MAP4K5: variants seen among roughly 807,000 people sequenced by gnomAD.
MAP4K5 encodes MAPK/ERK kinase kinase kinase 5.
Under a neutral mutation model 135.6 loss-of-function variants are expected in MAP4K5, and 82 were observed. That is an observed-to-expected ratio of 0.60 (90% CI 0.51 to 0.73). The LOEUF is 0.73. Among genes scored for constraint, MAP4K5 ranks in the 30% least tolerant of loss-of-function variants. The pLI is 0.00. For missense variants in MAP4K5, 907 were observed against 1,010.9 expected (o/e 0.90, Z 1.39); for synonymous variants, 347 against 335.0 (o/e 1.04, Z -0.39).
intron 2 of MAP4K5, among the ~76,000 whole-genome samples, chr14:50,531,704 C>T (rs2140128013): frequency 6.6e-6 from 1 of 152,278 alleles, no homozygotes; most frequent in South Asian, 2.1e-4. Context: ...AGCCTTTAAA[C>T]CACAAAAAAA....
chr14:50,545,851 T>A (rs1383913252), intron 1 of MAP4K5, among the ~76,000 whole-genome samples: 1 of 152,200 alleles, frequency 6.6e-6, no homozygotes, highest in African/African-American at 2.4e-5. Context: ...TTATGACTCA[T>A]CCTTGTGCAC....
intron 2 of MAP4K5, among the ~76,000 whole-genome samples, chr14:50,512,334 A>C (rs190035703): frequency 6.6e-6 from 1 of 152,270 alleles, no homozygotes; most frequent in East Asian, 1.9e-4. Flanking sequence ...AGAGCCAAAA[A>C]GAAAAGGAAG....
At chr14:50,428,215 C>T (rs1238092478) in intron 30 of MAP4K5, among the ~76,000 whole-genome samples, 1 of 151,766 alleles carries the variant, frequency 6.6e-6, no homozygotes, top group Non-Finnish European at 1.5e-5. Flanking sequence ...TGCTTAACAG[C>T]CATATATGTT....
chr14:50,435,102 C>T (rs748291502), intron 26 of MAP4K5, 37 bp from the exon 27 acceptor site: 4 of 1,036,490 alleles, frequency 3.9e-6, no homozygotes, highest in South Asian at 1.4e-5. Context: ...CCCAGACACA[C>T]TCAAAATACT....
At chr14:50,523,781 T>C (rs992741833) in intron 2 of MAP4K5, among the ~76,000 whole-genome samples, 3 of 152,366 alleles carry the variant, frequency 2.0e-5, no homozygotes, top group African/African-American at 7.2e-5. Flanking sequence ...GTTCACTAGA[T>C]GTATCACAAG....
chr14:50,431,932 G>T (rs372942007), intron 28 of MAP4K5, among the ~76,000 whole-genome samples: 2 of 152,156 alleles, frequency 1.3e-5, no homozygotes, highest in East Asian at 1.9e-4. Context: ...CTTGAAAACT[G>T]CACATTCAAA....
chr14:50,517,441 C>T (rs903901122), intron 2 of MAP4K5, among the ~76,000 whole-genome samples: 7 of 151,696 alleles, frequency 4.6e-5, no homozygotes, highest in African/African-American at 1.7e-4. Flanking sequence ...AATGAGCCAC[C>T]GCGCCCAGCC....
upstream of MAP4K5, among the ~76,000 whole-genome samples, chr14:50,534,732 T>C (rs2038471687): frequency 6.6e-6 from 1 of 152,244 alleles, no homozygotes; most frequent in Non-Finnish European, 1.5e-5. Context: ...TTATTTTACT[T>C]GTACTGCAAT....
At chr14:50,494,069 A>C (rs1194708011) in intron 3 of MAP4K5, among the ~76,000 whole-genome samples, 1 of 152,066 alleles carries the variant, frequency 6.6e-6, no homozygotes, top group African/African-American at 2.4e-5. Context: ...GTGCACTAAA[A>C]ACTATAAAAC....
At position 50,486,322 on chromosome 14, in the gene MAP4K5, A is replaced by G. The variant is rs1168618840; in HGVS notation, c.167-128T>C. The G allele has an allele frequency of 3.5e-5, 17 of 487,388 alleles. 1 individual carries two copies. The highest frequency in any genetic ancestry group is 3.1e-4 in the South Asian group (10 of 32,494). 30.2% of individuals were successfully genotyped at this position (487,388 alleles called of 1,614,324 possible). On this transcript the variant is annotated intron_variant, in intron 3 of 32. Coordinates refer to ENST00000682126, the MANE Select transcript of MAP4K5 (RefSeq NM_006575.6). ...ATTCTTAATACTTCAATGAAAATGT[A>G]AACTGGTAGAATCTTTCTATAAAGT...
intron 28 of MAP4K5, among the ~76,000 whole-genome samples, chr14:50,432,569 A>C (rs9707442): frequency 0.82 from 122,556 of 149,268 alleles, 52,850 homozygotes; most frequent in East Asian, 0.93. Context: ...AAAAAAAAAA[A>C]AAAAAAACAA....
At position 50,486,194 on chromosome 14, in the gene MAP4K5, C is replaced by T. The variant is rs776632156; in HGVS notation, c.167G>A (p.Gly56Glu). 2 of 1,068,880 alleles carry T rather than the reference C, an allele frequency of 1.9e-6. No homozygotes were observed. The highest frequency in any genetic ancestry group is 2.7e-6 in the Non-Finnish European group (2 of 733,306). The allele number at this position is 1,068,880 out of a possible 1,614,324, so 66.2% of individuals were successfully genotyped here. ...TTGTTGAATCAAAGAAAAATCATCTCCTGGAAAACAAAATAAGTTGTTTAT... is the reference window on the plus strand; with the variant it reads ...TTGTTGAATCAAAGAAAAATCATCTTCTGGAAAACAAAATAAGTTGTTTAT... ...AAVKIIKLEP[G>E]DDFSLIQQEI... Residue 56 changes from glycine to glutamate, a missense_variant and splice_region_variant, in exon 4 of 33, where the codon GGA becomes GAA. Physicochemically the swap from Gly to Glu is moderately conservative, Grantham distance 98 (BLOSUM62 -2). Around this residue, in one of 3 missense-constraint regions of MAP4K5, gnomAD observed 196 missense variants for 189.3 expected, o/e 1.04. Coordinates refer to ENST00000682126, the MANE Select transcript of MAP4K5 (RefSeq NM_006575.6).
Position 50,463,909 on chromosome 14 carries a change from A to T in MAP4K5, c.819+143T>A. On this transcript the variant is annotated intron_variant, in intron 12 of 32. Transcript: ENST00000682126. ...CTGTTTCCAAAAAAAAAAAAAAAAA[A>T]AAAAAAAAAAAAAAAAAAAGTTTGC... 5 of 294,440 alleles carry T rather than the reference A, an allele frequency of 1.7e-5. No homozygotes were observed. In the South Asian group the frequency reaches 2.6e-4, roughly 16 times the overall value. The allele number at this position is 294,440 out of a possible 1,614,324, so 18.2% of individuals were successfully genotyped here.
At chr14:50,552,496 C>A (rs2038714946) in intron 1 of MAP4K5, among the ~76,000 whole-genome samples, 1 of 152,116 alleles carries the variant, frequency 6.6e-6, no homozygotes, top group Admixed American at 6.5e-5. Flanking sequence ...CATCATTCTT[C>A]ACAGAACTAG....
chr14:50,548,991 G>A (rs1227052886), intron 1 of MAP4K5, among the ~76,000 whole-genome samples: 2 of 152,206 alleles, frequency 1.3e-5, no homozygotes, highest in African/African-American at 4.8e-5. Context: ...CGTCTCTGGG[G>A]TGGCACAATT....
chr14:50,441,797 C>CACACACACAT (rs1491145074), intron 21 of MAP4K5, among the ~76,000 whole-genome samples: 7 of 132,518 alleles, frequency 5.3e-5, no homozygotes, highest in African/African-American at 2.2e-4. Flanking sequence ...CACACACACA[C>CACACACACAT]ATATATATAC....
At chr14:50,450,346 C>T (rs141564714) in intron 14 of MAP4K5, 54 of 152,200 alleles carry the variant, frequency 3.5e-4, no homozygotes, top group African/African-American at 1.3e-3. Flanking sequence ...CAAACTAAAG[C>T]AACTGTTTGG....
intron 14 of MAP4K5, among the ~76,000 whole-genome samples, chr14:50,454,496 T>C (rs968753900): frequency 2.0e-5 from 3 of 152,084 alleles, no homozygotes; most frequent in African/African-American, 7.2e-5. Context: ...ATAAATAGTA[T>C]AAAATCTATC....
chr14:50,432,674 A>T (rs2035999527), intron 28 of MAP4K5, among the ~76,000 whole-genome samples: 1 of 152,164 alleles, frequency 6.6e-6, no homozygotes, highest in South Asian at 2.1e-4. Flanking sequence ...TATATAATCC[A>T]GAAGAAAGTG....
Sources: allele counts gnomAD v4.1 joint callset (sites outside exome capture counted in the v4.1 genomes callset), GRCh38; gene constraint gnomAD v4.1.1; regional missense constraint gnomAD v4.1.1; transcripts MANE v1.5; gene names NCBI Gene and HGNC (gene_info 2026-07-23, HGNC 2026-07-21).